Variants in PAK1 observed in about 807,000 individuals in gnomAD.
PAK1 encodes the protein serine/threonine-protein kinase PAK 1.
A neutral mutation model predicts 67.4 loss-of-function variants in PAK1; 29 were observed. The ratio of observed to expected loss-of-function variants is 0.43; its 90% CI spans 0.32 to 0.59. The LOEUF is 0.59. Among genes scored for constraint, PAK1 ranks in the 20% least tolerant of loss-of-function variants. The pLI is 0.07. For missense variants in PAK1, 337 were observed against 670.7 expected (o/e 0.50, Z 5.50); for synonymous variants, 223 against 237.4 (o/e 0.94, Z 0.56).
Position 77,323,357 on chromosome 11 carries a change from GATGCT to G in PAK1, c.1552-2_1554del, listed in dbSNP as rs1265226879. 6.2e-7 allele frequency: 1 copy of G among 1,602,732 alleles called. No individual in the cohort carries two copies. The highest frequency in any genetic ancestry group is 8.5e-7 in the Non-Finnish European group (1 of 1,169,830). ...AGGGGCTTGGCAATCTTCAGGAATT[GATGCT>G]AGAAAGGAGAAAAATAGCAAAAGAC... On this transcript the variant is annotated splice_acceptor_variant and coding_sequence_variant, in exon 15 of 15. Coordinates refer to ENST00000356341, the MANE Select transcript of PAK1 (RefSeq NM_002576.5). LOFTEE classifies it high-confidence loss of function.
At chr11:77,500,383 C>A in the PAK1 span, among the ~76,000 whole-genome samples, 1 of 152,098 alleles carries the variant, frequency 6.6e-6, no homozygotes, top group Non-Finnish European at 1.5e-5. Flanking sequence ...AGGAGAATTG[C>A]TGGAACCCAG....
chr11:77,423,343 A>C (rs1044862003), intron 1 of PAK1, among the ~76,000 whole-genome samples: 12 of 151,566 alleles, frequency 7.9e-5, no homozygotes, highest in African/African-American at 2.2e-4. Context: ...AAAAAAAAAA[A>C]AAACAGAATA....
the PAK1 span, among the ~76,000 whole-genome samples, chr11:77,494,954 G>A: frequency 6.6e-6 from 1 of 151,772 alleles, no homozygotes; most frequent in East Asian, 1.9e-4. Context: ...ACAAGGTCAG[G>A]GGTTCGAGAC....
chr11:77,410,841 G>A (rs1271318964), intron 1 of PAK1, among the ~76,000 whole-genome samples: 2 of 152,080 alleles, frequency 1.3e-5, no homozygotes, highest in Admixed American at 1.3e-4. Context: ...GAGCTTCTTG[G>A]TGCCAGGTAA....
At chr11:77,515,386 G>A in the PAK1 span, among the ~76,000 whole-genome samples, 2 of 152,168 alleles carry the variant, frequency 1.3e-5, no homozygotes, top group African/African-American at 4.8e-5. Context: ...AAGCATACAG[G>A]TGTATCTTAG....
chr11:77,438,391 T>C (rs1163874745), intron 1 of PAK1, among the ~76,000 whole-genome samples: 1 of 152,154 alleles, frequency 6.6e-6, no homozygotes, highest in East Asian at 1.9e-4. Context: ...CATTAGGGAT[T>C]ACAATTAAAC....
At chr11:77,517,404 C>A in the PAK1 span, among the ~76,000 whole-genome samples, 1 of 152,190 alleles carries the variant, frequency 6.6e-6, no homozygotes, top group South Asian at 2.1e-4. Flanking sequence ...CCTATGCAAA[C>A]ACACAGATTT....
the PAK1 span, among the ~76,000 whole-genome samples, chr11:77,513,670 CAAAAAAAAAAAAAA>C: frequency 1.5e-4 from 8 of 52,928 alleles, no homozygotes; most frequent in African/African-American, 4.9e-4. Flanking sequence ...GACTCTGTCT[CAAAAAAAAAAAAAA>C]AAAAAAAAAA....
chr11:77,335,276 G>A (rs1280012949), intron 13 of PAK1, among the ~76,000 whole-genome samples: 1 of 152,044 alleles, frequency 6.6e-6, no homozygotes, highest in Non-Finnish European at 1.5e-5. Flanking sequence ...ATAAATTTAT[G>A]TTTATAGTCC....
At chr11:77,474,368 A>C (rs1394917758), upstream of PAK1, 1 of 152,142 alleles carries the variant, frequency 6.6e-6, no homozygotes, top group East Asian at 1.9e-4. Flanking sequence ...TCGGCGCGTG[A>C]CGCCAGAGGC....
chr11:77,499,220 A>G, the PAK1 span, among the ~76,000 whole-genome samples: 13 of 151,696 alleles, frequency 8.6e-5, no homozygotes, highest in African/African-American at 3.1e-4. Flanking sequence ...AGGAATATCT[A>G]TTGTTAACAT....
Position 77,388,543 on chromosome 11 carries a change from C to T in PAK1, c.190+3788G>A, listed in dbSNP as rs1017470693. Among the ~76,000 whole-genome samples, 12 of 152,260 alleles carry T rather than the reference C, an allele frequency of 7.9e-5. No individual in the cohort carries two copies. In the East Asian group the frequency reaches 2.3e-3, roughly 29 times the overall value. On this transcript the variant is annotated intron_variant, in intron 2 of 14. Coordinates refer to ENST00000356341, the MANE Select transcript of PAK1 (RefSeq NM_002576.5). ...TTATTTTTTGTATTTCTAGTAGAGA[C>T]GGGGTTTCACCGTGTTAGCCAGGAT... is the stretch of plus-strand genomic sequence containing the variant.
intron 1 of PAK1, among the ~76,000 whole-genome samples, chr11:77,395,574 ATTC>A (rs1951723456): frequency 6.6e-6 from 1 of 151,988 alleles, no homozygotes; most frequent in Non-Finnish European, 1.5e-5. Flanking sequence ...CTGTACTTGT[ATTC>A]TTATTTACTT....
intron 2 of PAK1, among the ~76,000 whole-genome samples, chr11:77,387,457 G>A (rs1950596458): frequency 6.6e-6 from 1 of 152,160 alleles, no homozygotes; most frequent in Non-Finnish European, 1.5e-5. Flanking sequence ...TGTTACAATG[G>A]AACAGATAAT....
At chr11:77,459,690 C>CTTTT (rs755731892) in intron 1 of PAK1, among the ~76,000 whole-genome samples, 6 of 134,556 alleles carry the variant, frequency 4.5e-5, no homozygotes, top group African/African-American at 5.7e-5. Context: ...TCTTCTTCTT[C>CTTTT]TTTTTTTTTT....
In PAK1 at chr11:77,349,304, C is replaced by T. The variant is rs184254142; in HGVS notation, c.837-17G>A. 6.0e-5 allele frequency: 95 copies of T among 1,589,506 alleles called. No homozygotes were observed. In the African/African-American group the frequency reaches 9.4e-4, roughly 16 times the overall value. ...CCTGAAGCACTGAACAGTAAGGTGG[C>T]GGAGAAAGAGGGAAAAAAACACAGT... On this transcript the variant is annotated splice_polypyrimidine_tract_variant and intron_variant, in intron 8 of 14. Transcript: ENST00000356341.
intron 1 of PAK1, among the ~76,000 whole-genome samples, chr11:77,429,093 A>AAAAAAAAAAAC (rs1565696611): frequency 1.9e-5 from 2 of 106,396 alleles, no homozygotes; most frequent in East Asian, 3.8e-4. Context: ...AAAAAAAAAA[A>AAAAAAAAAAAC]ACACACACAC....
At chr11:77,501,246 G>A in the PAK1 span, among the ~76,000 whole-genome samples, 1 of 152,172 alleles carries the variant, frequency 6.6e-6, no homozygotes, top group Non-Finnish European at 1.5e-5. Flanking sequence ...GAGGATGAAG[G>A]GGAAATCCAG....
At chr11:77,467,646 C>A (rs1163942730) in intron 1 of PAK1, among the ~76,000 whole-genome samples, 1 of 152,062 alleles carries the variant, frequency 6.6e-6, no homozygotes, top group African/African-American at 2.4e-5. Context: ...AATTCAAGTG[C>A]ATAGCCGAAA....
Sources: gnomAD v4.1 joint callset for allele counts (sites outside exome capture counted in the v4.1 genomes callset) on GRCh38, gnomAD v4.1.1 for gene constraint, MANE v1.5 for transcripts, NCBI Gene and HGNC (gene_info 2026-07-23, HGNC 2026-07-21) for gene names.